Variants in FAM227A observed in about 807,000 individuals in gnomAD.
The protein encoded by FAM227A is protein FAM227A.
A neutral mutation model predicts 74.7 loss-of-function variants in FAM227A; 80 were observed. The ratio of observed to expected loss-of-function variants is 1.07; its 90% CI spans 0.89 to 1.29. FAM227A has a LOEUF of 1.29. Ranked by LOEUF, FAM227A falls within the 50% of genes most tolerant of loss-of-function variation. The probability of loss-of-function intolerance (pLI) is 0.00; values close to 1 mark genes in which losing one functional copy is unlikely to be tolerated. For synonymous variants in FAM227A, 237 were observed against 241.8 expected, an observed-to-expected ratio of 0.98 and a Z score of 0.19; for missense variants, 654 against 683.4, an observed-to-expected ratio of 0.96 and a Z score of 0.48.
At chr22:38,599,397 A>C (rs1324404338) in intron 14 of FAM227A, among the ~76,000 whole-genome samples, 1 of 152,208 alleles carries the variant, frequency 6.6e-6, no homozygotes, top group Non-Finnish European at 1.5e-5. Flanking sequence ...ACATGTGGAC[A>C]ACAAAATTCC....
intron 15 of FAM227A, 64 bp downstream of exon 15, chr22:38,597,140 T>C (rs956218456): frequency 6.1e-6 from 9 of 1,481,034 alleles, no homozygotes; most frequent in Middle Eastern, 1.7e-4. Flanking sequence ...TTAAAAATGA[T>C]GATGATCGTG....
intron 2 of FAM227A, among the ~76,000 whole-genome samples, chr22:38,646,311 G>A (rs1402465762): frequency 2.2e-5 from 3 of 134,754 alleles, no homozygotes; most frequent in Non-Finnish European, 4.6e-5. Flanking sequence ...CCAGGCTGGA[G>A]TGCAGTGGCG....
intron 9 of FAM227A, among the ~76,000 whole-genome samples, chr22:38,623,978 G>T (rs188029613): frequency 8.5e-5 from 13 of 152,288 alleles, no homozygotes; most frequent in South Asian, 4.1e-4. Context: ...TATTACTGGG[G>T]ATAAATTGGG....
At position 38,641,991 on chromosome 22, in the gene FAM227A, G is replaced by GCA. The variant is rs1167295536; in HGVS notation, c.226-2268_226-2267insTG. On this transcript the variant is annotated intron_variant, in intron 3 of 16. Coordinates refer to ENST00000535113, the MANE Select transcript of FAM227A (RefSeq NM_001013647.2). ...TGTGTGTGTGCGCACGTGTGTGTGC[G>GCA]CGTGTGTTTGAGAATTATTGAAGGG... Among the ~76,000 whole-genome samples the GCA allele has an allele frequency of 2.9e-3, 439 of 152,162 alleles. 3 individuals are homozygous for GCA. The highest frequency in any genetic ancestry group is 5.4e-3 in the Non-Finnish European group (367 of 67,998).
At chr22:38,591,040 C>A (rs1051124269) in intron 16 of FAM227A, among the ~76,000 whole-genome samples, 4 of 152,202 alleles carry the variant, frequency 2.6e-5, no homozygotes, top group African/African-American at 9.7e-5. Flanking sequence ...ACCTCGGCCT[C>A]CCAAAGTAGT....
intron 1 of FAM227A, among the ~76,000 whole-genome samples, chr22:38,651,436 C>T (rs538704346): frequency 2.3e-4 from 35 of 152,246 alleles, no homozygotes; most frequent in Admixed American, 5.9e-4. Flanking sequence ...TGCAGTGGCG[C>T]GATCTTGGCT....
intron 5 of FAM227A, among the ~76,000 whole-genome samples, chr22:38,636,936 A>G (rs1295202558): frequency 6.6e-6 from 1 of 151,830 alleles, no homozygotes; most frequent in African/African-American, 2.4e-5. Flanking sequence ...ATGCCCAGCT[A>G]ATTTTTTGTA....
intron 14 of FAM227A, among the ~76,000 whole-genome samples, chr22:38,598,348 G>T (rs2091095367): frequency 6.6e-6 from 1 of 152,168 alleles, no homozygotes; most frequent in Non-Finnish European, 1.5e-5. Flanking sequence ...AAGATATTGA[G>T]CTTGGAGGTC....
At position 38,599,843 on chromosome 22, in the gene FAM227A, A is replaced by G; in HGVS notation, c.1300T>C (p.Phe434Leu). 1 of 1,551,676 alleles carries G rather than the reference A, an allele frequency of 6.4e-7. No homozygotes were observed. The highest frequency in any genetic ancestry group is 8.7e-7 in the Non-Finnish European group (1 of 1,146,982). Reference protein sequence around the residue: ...IYGKSPLIVYFLQNYASLQQH... With the variant: ...IYGKSPLIVYLLQNYASLQQH... ...TGCAGACTGGCATAGTTCTGGAGAA[A>G]GTACACAATCAGAGGGCTCTTCCCA... The change falls in exon 14 of 17, where the codon TTT becomes CTT. Residue 434 changes from phenylalanine (F) to leucine (L), a missense_variant. Coordinates refer to ENST00000535113, the MANE Select transcript of FAM227A (RefSeq NM_001013647.2).
chr22:38,630,969 A>C (rs1346320476), intron 6 of FAM227A, among the ~76,000 whole-genome samples: 1 of 152,190 alleles, frequency 6.6e-6, no homozygotes, highest in Non-Finnish European at 1.5e-5. Context: ...GGAGTTCGAG[A>C]CCAGTCTGGC....
intron 15 of FAM227A, among the ~76,000 whole-genome samples, chr22:38,594,915 G>A (rs771687436): frequency 4.5e-4 from 68 of 152,056 alleles, no homozygotes; most frequent in Non-Finnish European, 7.6e-4. Flanking sequence ...TGGCTAACAC[G>A]GTGAAACCCT....
At chr22:38,638,047 C>A (rs536757763) in intron 5 of FAM227A, among the ~76,000 whole-genome samples, 1 of 152,302 alleles carries the variant, frequency 6.6e-6, no homozygotes, top group South Asian at 2.1e-4. Context: ...ATGTCTTAAT[C>A]CCAGCTACTT....
intron 2 of FAM227A, among the ~76,000 whole-genome samples, chr22:38,648,701 G>A (rs369440505): frequency 3.5e-5 from 5 of 144,914 alleles, no homozygotes; most frequent in Admixed American, 7.0e-5. Context: ...GGTTGGGTGC[G>A]GTGGCTCACG....
chr22:38,597,181 ATTCCCCAAAGCCC>A lies in FAM227A; in HGVS notation c.1532+10_1532+22del. ...CAAAAGATAAGTGCGGAACAACGGC[ATTCCCCAAAGCCC>A]CTTCCATACCTGGAGAAGTTGTCTT... On this transcript the variant is annotated intron_variant, in intron 15 of 16. Coordinates refer to ENST00000535113, the MANE Select transcript of FAM227A (RefSeq NM_001013647.2). 6.4e-7 allele frequency: 1 copy of A among 1,550,754 alleles called. No individual in the cohort carries two copies. Among genetic ancestry groups the A allele is most frequent in the South Asian group, 1.2e-5 (1 of 84,004 alleles).
Position 38,628,859 on chromosome 22 carries a change from C to G in FAM227A, c.596G>C (p.Trp199Ser). 1 of 1,543,218 alleles carries G rather than the reference C, an allele frequency of 6.5e-7. No homozygotes were observed. The highest frequency in any genetic ancestry group is 8.8e-7 in the Non-Finnish European group (1 of 1,140,866). Residue 199 changes from tryptophan (W) to serine (S), a missense_variant, in exon 7 of 17, where the codon TGG (tryptophan) becomes TCG (serine). By Grantham distance (177) the Trp-to-Ser change is radical. Transcript: ENST00000535113. Reference protein sequence around the residue: ...SPRAIWLDSFWWIFHERYQPN... With the variant: ...SPRAIWLDSFSWIFHERYQPN... The stretch of plus-strand genomic sequence containing the variant: ...CTGGTACCTCTCATGAAATATCCAC[C>G]AAAAGCTATCCAGCCAGATGGCTCT...
In FAM227A at chr22:38,640,921, A is replaced by AGTG. The variant is rs1438254664; in HGVS notation, c.226-1200_226-1198dup. ...AGGGGTGTGTGTATGTGTGTGTGCC[A>AGTG]GTGGTGGGGGGGCGGTCACAGGGGT... On this transcript the variant is annotated intron_variant, in intron 3 of 16. Coordinates refer to ENST00000535113, the MANE Select transcript of FAM227A (RefSeq NM_001013647.2). Among the ~76,000 whole-genome samples, 3 of 152,046 alleles carry AGTG rather than the reference A, an allele frequency of 2.0e-5. No homozygotes were observed. The South Asian group carries it at 6.2e-4, about 32-fold the overall frequency.
intron 6 of FAM227A, among the ~76,000 whole-genome samples, chr22:38,633,635 G>A (rs1229736519): frequency 2.0e-5 from 3 of 152,114 alleles, no homozygotes; most frequent in East Asian, 1.9e-4. Flanking sequence ...TCCACCTCCC[G>A]GGTTCAAGCA....
At chr22:38,596,093 G>A (rs73157150) in intron 15 of FAM227A, among the ~76,000 whole-genome samples, 2,302 of 152,210 alleles carry the variant, frequency 0.015, 28 homozygotes, top group Non-Finnish European at 0.026. Flanking sequence ...GCTGAGGCAG[G>A]GGCAGATCAC....
At chr22:38,645,383 C>T (rs1222346840) in intron 3 of FAM227A, among the ~76,000 whole-genome samples, 180 bp downstream of exon 3, 2 of 151,646 alleles carry the variant, frequency 1.3e-5, no homozygotes, top group Non-Finnish European at 2.9e-5. Flanking sequence ...AAGCGAGACT[C>T]CATCTCAAAA....
Sources: gnomAD v4.1 joint callset for allele counts (sites outside exome capture counted in the v4.1 genomes callset) on GRCh38, gnomAD v4.1.1 for gene constraint, MANE v1.5 for transcripts, NCBI Gene and HGNC (gene_info 2026-07-23, HGNC 2026-07-21) for gene names.